OSBPL3: variants seen among roughly 807,000 people sequenced by gnomAD.
OSBPL3 encodes oxysterol binding protein like 3.
In OSBPL3, 65 loss-of-function variants were observed where a neutral mutation model predicts 120.1. The observed-to-expected ratio is 0.54, with a 90% confidence interval of 0.44 to 0.67. OSBPL3 has a LOEUF of 0.67. OSBPL3 is among the 30% of genes least tolerant of loss of function. OSBPL3 has a pLI of 0.00. For missense variants in OSBPL3, 1,004 were observed against 1,082.1 expected (o/e 0.93, Z 1.01); for synonymous variants, 416 against 402.6 (o/e 1.03, Z -0.40).
At chr7:24,909,783 CTTTTTTTTTTTTTTTTTTTTTTTTT>C (rs1808538458) in intron 1 of OSBPL3, among the ~76,000 whole-genome samples, 1 of 77,296 alleles carries the variant, frequency 1.3e-5, no homozygotes, top group South Asian at 5.3e-4. Context: ...TTTTTTCTTT[CTTTTTTTTTTTTTTTTTTTTTTTTT>C]GGAGACAGAG....
At chr7:24,941,612 T>C (rs939247452) in intron 1 of OSBPL3, among the ~76,000 whole-genome samples, 8 of 152,226 alleles carry the variant, frequency 5.3e-5, no homozygotes, top group Admixed American at 2.0e-4. Flanking sequence ...CAAGCTCTTA[T>C]AGCACCTGCA....
chr7:24,917,005 G>C (rs948043735), intron 1 of OSBPL3, among the ~76,000 whole-genome samples: 4 of 152,024 alleles, frequency 2.6e-5, no homozygotes, highest in African/African-American at 9.7e-5. Context: ...TATGGGTAGA[G>C]AGAGGGAAGG....
In OSBPL3 at chr7:24,894,005, C is replaced by T. The variant is rs1805755205; in HGVS notation, c.-149-1384G>A. On this transcript the variant is annotated intron_variant, in intron 1 of 22. Transcript: ENST00000313367. This position sits in a 1 kb window ranked among gnomAD's most constrained non-coding sequence, Gnocchi z 4.1. ...ATACATACATATATATATATATCTCCAACCCATTCCATTATTAATGTTCAC... is the reference window on the plus strand; with the variant it reads ...ATACATACATATATATATATATCTCTAACCCATTCCATTATTAATGTTCAC... Among the ~76,000 whole-genome samples the T allele has an allele frequency of 6.6e-6, 1 of 151,992 alleles. No individual in the cohort carries two copies. The highest frequency in any genetic ancestry group is 1.5e-5 in the Non-Finnish European group (1 of 68,002).
intron 1 of OSBPL3, among the ~76,000 whole-genome samples, chr7:24,921,152 T>C (rs942597286): frequency 2.0e-5 from 3 of 152,162 alleles, no homozygotes; most frequent in Non-Finnish European, 2.9e-5. Flanking sequence ...AATTGGTTGA[T>C]CTTTGCTCTA....
chr7:24,880,596 C>CT lies in OSBPL3; in HGVS notation c.97-8528dup, dbSNP rs1239310062. Among the ~76,000 whole-genome samples, 18 of 152,156 alleles carry CT rather than the reference C, an allele frequency of 1.2e-4. 1 individual carries two copies. Among genetic ancestry groups the CT allele is most frequent in the African/African-American group, 4.3e-4 (18 of 41,426 alleles). Reference sequence around the variant, plus strand: ...AAGTACACCATAATGATTGGCTTTCCTGTACCATCATGGAATATTTAAGTC... The same window carrying CT: ...AAGTACACCATAATGATTGGCTTTCCTTGTACCATCATGGAATATTTAAGTC... On this transcript the variant is annotated intron_variant, in intron 2 of 22. Transcript: ENST00000313367.
At chr7:24,927,087 C>T (rs550880054) in intron 1 of OSBPL3, among the ~76,000 whole-genome samples, 273 of 152,244 alleles carry the variant, frequency 1.8e-3, no homozygotes, top group African/African-American at 6.3e-3. Flanking sequence ...AGAGAAAATG[C>T]TTGGGGATCT....
In OSBPL3 at chr7:24,912,277, T is replaced by C. The variant is rs1562919007; in HGVS notation, c.-149-19656A>G. On this transcript the variant is annotated intron_variant, in intron 1 of 22. Coordinates refer to ENST00000313367, the MANE Select transcript of OSBPL3 (RefSeq NM_015550.4). The surrounding 1 kb of genome is among the most constrained non-coding windows in gnomAD (Gnocchi z 4.5). ...AATGTTACCAAAAAATAATAGTTCA[T>C]AGGAATTACAAATCAGAAAATGTAA... Among the ~76,000 whole-genome samples, 1 of 152,168 alleles carries C rather than the reference T, an allele frequency of 6.6e-6. No individual in the cohort carries two copies. Among genetic ancestry groups the C allele is most frequent in the Non-Finnish European group, 1.5e-5 (1 of 68,032 alleles).
Position 24,967,608 on chromosome 7 carries a change from T to C in OSBPL3, c.-150+12278A>G, listed in dbSNP as rs1816531991. On this transcript the variant is annotated intron_variant, in intron 1 of 22. Coordinates refer to ENST00000313367, the MANE Select transcript of OSBPL3 (RefSeq NM_015550.4). The surrounding 1 kb of genome is among the most constrained non-coding windows in gnomAD (Gnocchi z 5.6). ...AGAATAGTGTCTCACTTCCAGCAAA[T>C]ACTTCATTAAGAAACTACCATTATT... is the stretch of plus-strand genomic sequence containing the variant. Among the ~76,000 whole-genome samples, 1 of 152,168 alleles carries C rather than the reference T, an allele frequency of 6.6e-6. No homozygotes were observed. Among genetic ancestry groups the C allele is most frequent in the African/African-American group, 2.4e-5 (1 of 41,442 alleles).
rs943457905 is a variant in OSBPL3, at chr7:24,968,058, G to T, written c.-150+11828C>A. On this transcript the variant is annotated intron_variant, in intron 1 of 22. Coordinates refer to ENST00000313367, the MANE Select transcript of OSBPL3 (RefSeq NM_015550.4). The surrounding 1 kb of genome is among the most constrained non-coding windows in gnomAD (Gnocchi z 4.6). The stretch of plus-strand genomic sequence containing the variant: ...TTTACTTGGAGTAATACATTTACTT[G>T]GAATAATATTCAAAAGGTATAATTT... Among the ~76,000 whole-genome samples the T allele has an allele frequency of 3.3e-5, 5 of 152,056 alleles. No homozygotes were observed. The highest frequency in any genetic ancestry group is 7.3e-5 in the Non-Finnish European group (5 of 68,032).
At position 24,916,446 on chromosome 7, in the gene OSBPL3, A is replaced by T. The variant is rs764376225; in HGVS notation, c.-149-23825T>A. 2.0e-4 allele frequency among the ~76,000 whole-genome samples: 30 copies of T among 151,738 alleles called. No homozygotes were observed. Among genetic ancestry groups the T allele is most frequent in the Non-Finnish European group, 3.8e-4 (26 of 67,956 alleles). On this transcript the variant is annotated intron_variant, in intron 1 of 22. Transcript: ENST00000313367. The surrounding 1 kb of genome is among the most constrained non-coding windows in gnomAD (Gnocchi z 4.9). The stretch of plus-strand genomic sequence containing the variant: ...TTTGAACTTTTTTTTCTTTTGCCTA[A>T]TTTTTTTTAATTAAGAAAACATCAG...
In OSBPL3 at chr7:24,820,771, A is replaced by C. The variant is rs942618664; in HGVS notation, c.1885-533T>G. Among the ~76,000 whole-genome samples, 1 of 151,944 alleles carries C rather than the reference A, an allele frequency of 6.6e-6. No individual in the cohort carries two copies. The highest frequency in any genetic ancestry group is 1.5e-5 in the Non-Finnish European group (1 of 68,008). ...TCCAGCCTCTTTTCAAATCACCTAC[A>C]AGAAGACCAATGCAAGGTAATTTTT... is the stretch of plus-strand genomic sequence containing the variant. On this transcript the variant is annotated intron_variant, in intron 16 of 22. Transcript: ENST00000313367. The surrounding 1 kb of genome is among the most constrained non-coding windows in gnomAD (Gnocchi z 4.6).
At chr7:24,902,597 T>C (rs976461447) in intron 1 of OSBPL3, among the ~76,000 whole-genome samples, 1 of 151,262 alleles carries the variant, frequency 6.6e-6, no homozygotes, top group Non-Finnish European at 1.5e-5. Flanking sequence ...CTAGTTTTAG[T>C]TTTACTAGAT....
At position 24,916,763 on chromosome 7, in the gene OSBPL3, A is replaced by G. The variant is rs1333383385; in HGVS notation, c.-149-24142T>C. On this transcript the variant is annotated intron_variant, in intron 1 of 22. Coordinates refer to ENST00000313367, the MANE Select transcript of OSBPL3 (RefSeq NM_015550.4). The surrounding 1 kb of genome is among the most constrained non-coding windows in gnomAD (Gnocchi z 4.9). ...AAACCTCCCGATAATGTAGATAAGA[A>G]AAAAACGTGGTGCTTGGGTATTTTC... 6.6e-6 allele frequency among the ~76,000 whole-genome samples: 1 copy of G among 152,152 alleles called. No homozygotes were observed. Among genetic ancestry groups the G allele is most frequent in the Non-Finnish European group, 1.5e-5 (1 of 68,040 alleles).
At chr7:24,909,690 C>A (rs139238686) in intron 1 of OSBPL3, among the ~76,000 whole-genome samples, 15 of 152,044 alleles carry the variant, frequency 9.9e-5, no homozygotes, top group Admixed American at 7.9e-4. Context: ...TCTGTCCTGG[C>A]CAGCTTCCTG....
At position 24,834,689 on chromosome 7, in the gene OSBPL3, A is replaced by G; in HGVS notation, c.1543T>C (p.Cys515Arg). The change falls in exon 15 of 23, where the codon TGC (cysteine) becomes CGC (arginine). Residue 515 changes from cysteine (C) to arginine (R), a missense_variant. Physicochemically the swap from Cys to Arg is radical, Grantham distance 180. This residue lies in a region of OSBPL3 where 473 missense variants were observed against 568.0 expected (regional missense o/e 0.83). Transcript: ENST00000313367. This position sits in a 1 kb window ranked among gnomAD's most constrained non-coding sequence, Gnocchi z 5.2. ...CTGCTCGGGCAGGGCGCCGGCAGGC[A>G]CGTTCTTCTCCGGGACTTCGCTTCC... is the stretch of plus-strand genomic sequence containing the variant. ...GREAKSRRRT[C>R]LPAPCPSSSN... The G allele has an allele frequency of 6.2e-7, 1 of 1,613,958 alleles. No homozygotes were observed. The highest frequency in any genetic ancestry group is 8.5e-7 in the Non-Finnish European group (1 of 1,179,932).
intron 10 of OSBPL3, among the ~76,000 whole-genome samples, chr7:24,858,185 T>C (rs1054701873): frequency 9.9e-5 from 15 of 152,202 alleles, no homozygotes; most frequent in Non-Finnish European, 7.3e-5. Context: ...TCCCTACCAT[T>C]TGATCTACAA....
Position 24,865,416 on chromosome 7 carries a change from G to T in OSBPL3, c.599C>A (p.Ser200Ter), listed in dbSNP as rs1452989373. 1.9e-6 allele frequency: 3 copies of T among 1,613,186 alleles called. No individual in the cohort carries two copies. The highest frequency in any genetic ancestry group is 2.2e-5 in the East Asian group (1 of 44,866). The change falls in exon 7 of 23, where the codon TCA (serine) becomes TAA (stop). Residue 200 changes from serine to a stop codon, truncating the protein, a stop_gained. Coordinates refer to ENST00000313367, the MANE Select transcript of OSBPL3 (RefSeq NM_015550.4). LOFTEE classifies it high-confidence loss of function. ...TCGTGTCTCACCACCACAAGAAAAT[G>T]ATACATTGCTTCCAGTTTGAAATAA... ...QNLFQTGSNV[S>*]FSCGGETRVP...
At position 24,804,210 on chromosome 7, in the gene OSBPL3, A is replaced by G; in HGVS notation, c.2567+105T>C. On this transcript the variant is annotated intron_variant, in intron 22 of 22. Coordinates refer to ENST00000313367, the MANE Select transcript of OSBPL3 (RefSeq NM_015550.4). This position sits in a 1 kb window ranked among gnomAD's most constrained non-coding sequence, Gnocchi z 5.4. ...CCACGTGGAAGCAGGAAAAGCCTGG[A>G]GAATGCTCTTATCTGGGGACAGTAC... 7.4e-7 allele frequency: 1 copy of G among 1,353,984 alleles called. No homozygotes were observed. The highest frequency in any genetic ancestry group is 1.0e-6 in the Non-Finnish European group (1 of 961,916). The allele number at this position is 1,353,984 out of a possible 1,614,324, so 83.9% of individuals were successfully genotyped here.
intron 2 of OSBPL3, among the ~76,000 whole-genome samples, chr7:24,875,220 G>A (rs1261466441): frequency 6.6e-6 from 1 of 152,228 alleles, no homozygotes; most frequent in Non-Finnish European, 1.5e-5. Context: ...CTCTTGGGAT[G>A]TAAGTGCAGA....
Sources: allele counts gnomAD v4.1 joint callset (sites outside exome capture counted in the v4.1 genomes callset), GRCh38; gene constraint gnomAD v4.1.1; regional missense constraint gnomAD v4.1.1; non-coding constraint Gnocchi (gnomAD v3.1); transcripts MANE v1.5; gene names NCBI Gene and HGNC (gene_info 2026-07-23, HGNC 2026-07-21).